CTNNA3: variants seen among roughly 807,000 people sequenced by gnomAD.
CTNNA3 encodes the protein catenin alpha 3.
Under a neutral mutation model 95.7 loss-of-function variants are expected in CTNNA3, and 76 were observed. The observed-to-expected ratio is 0.79, with a 90% confidence interval of 0.66 to 0.96. CTNNA3 has a LOEUF of 0.96. CTNNA3 is among the 40% of genes least tolerant of loss of function. The pLI, the probability that CTNNA3 is intolerant of heterozygous loss-of-function variation, is 0.00. For synonymous variants in CTNNA3, 431 were observed against 374.4 expected (o/e 1.15, Z -1.74); for missense variants, 1,191 against 1,089.8 (o/e 1.09, Z -1.31).
intron 9 of CTNNA3, among the ~76,000 whole-genome samples, chr10:66,693,659 T>A (rs1847646834): frequency 6.6e-6 from 1 of 151,956 alleles, no homozygotes; most frequent in Non-Finnish European, 1.5e-5. Flanking sequence ...AGAATATACA[T>A]TCTTTTCAGC....
At chr10:66,589,911 C>T (rs1201723322) in intron 10 of CTNNA3, among the ~76,000 whole-genome samples, 3 of 151,810 alleles carry the variant, frequency 2.0e-5, no homozygotes, top group Non-Finnish European at 2.9e-5. Context: ...CCATCATAAA[C>T]GCTGCCTTAA....
In CTNNA3 at chr10:65,920,383, T is replaced by G. The variant is rs1445606312; in HGVS notation, c.2635A>C (p.Lys879Gln). Residue 879 changes from lysine to glutamine, a missense_variant, in exon 18 of 18, where the codon AAA (lysine) becomes CAA (glutamine). Transcript: ENST00000433211. ...CTCATGACTTGCAATGGATGGATTT[T>G]TTTCTTTGCTGAGCCTCGTCTGACA... The part of the protein sequence containing the change: ...AAVRRGSAKK[K>Q]IHPLQVMSEF... The G allele has an allele frequency of 6.2e-7, 1 of 1,613,978 alleles. No homozygotes were observed. The highest frequency in any genetic ancestry group is 8.5e-7 in the Non-Finnish European group (1 of 1,180,022).
chr10:67,423,013 C>T (rs1589275607), intron 5 of CTNNA3, among the ~76,000 whole-genome samples: 1 of 152,068 alleles, frequency 6.6e-6, no homozygotes, highest in Non-Finnish European at 1.5e-5. Context: ...ATTTTATGCT[C>T]TTTGGTAAAT....
intron 1 of CTNNA3, among the ~76,000 whole-genome samples, chr10:67,693,767 T>C (rs1318202253): frequency 6.6e-6 from 1 of 152,188 alleles, no homozygotes; most frequent in East Asian, 1.9e-4. Context: ...TAATTAGTTG[T>C]ATTTATCACT....
At chr10:66,058,839 G>A (rs1439867866) in intron 15 of CTNNA3, among the ~76,000 whole-genome samples, 1 of 152,110 alleles carries the variant, frequency 6.6e-6, no homozygotes, top group Non-Finnish European at 1.5e-5. Flanking sequence ...TAAGTAACAG[G>A]ATGAGGTCAG....
rs141014926 is a variant in CTNNA3 at position 66,596,337 on chromosome 10, C to A, written c.1374+25355G>T. ...GCCCCTCAACTAAAATGGTTAGAGC[C>A]CTGCTGTCTACTACATATGGTACCC... On this transcript the variant is annotated intron_variant, in intron 10 of 17. Transcript: ENST00000433211. 5.8e-3 allele frequency among the ~76,000 whole-genome samples: 888 copies of A among 152,140 alleles called. 9 individuals are homozygous for A. The highest frequency in any genetic ancestry group is 0.021 in the African/African-American group (856 of 41,498).
At chr10:67,458,626 C>T (rs1448219513) in intron 5 of CTNNA3, among the ~76,000 whole-genome samples, 2 of 152,054 alleles carry the variant, frequency 1.3e-5, no homozygotes, top group African/African-American at 4.8e-5. Flanking sequence ...TGCCTGTAAT[C>T]CCAGCGCTTT....
chr10:67,482,856 G>A (rs886696161), intron 5 of CTNNA3, among the ~76,000 whole-genome samples: 2 of 152,228 alleles, frequency 1.3e-5, no homozygotes, highest in South Asian at 2.1e-4. Context: ...TCCAGTTTTT[G>A]CCCATTCAGT....
At chr10:67,202,270 G>T (rs1158480669) in intron 6 of CTNNA3, among the ~76,000 whole-genome samples, 1 of 151,064 alleles carries the variant, frequency 6.6e-6, no homozygotes, top group African/African-American at 2.4e-5. Context: ...ATAGATCCAT[G>T]GCTAGATTTG....
intron 9 of CTNNA3, among the ~76,000 whole-genome samples, chr10:66,645,607 A>G (rs867780816): frequency 6.6e-6 from 1 of 152,170 alleles, no homozygotes; most frequent in Admixed American, 6.5e-5. Flanking sequence ...TCTGTGGCCT[A>G]TCAGCAACCA....
At chr10:66,386,840 T>G (rs1263097562) in intron 11 of CTNNA3, among the ~76,000 whole-genome samples, 1 of 152,088 alleles carries the variant, frequency 6.6e-6, no homozygotes, top group Non-Finnish European at 1.5e-5. Context: ...AAACAAGAAA[T>G]GAGGAAAGGA....
At chr10:67,748,293 A>G (rs977951249) in intron 1 of CTNNA3, among the ~76,000 whole-genome samples, 2 of 152,136 alleles carry the variant, frequency 1.3e-5, no homozygotes, top group South Asian at 4.1e-4. Context: ...ACCCCAAGAA[A>G]CATAACCATC....
chr10:66,910,205 C>T (rs1043681022), intron 7 of CTNNA3, among the ~76,000 whole-genome samples: 12 of 152,024 alleles, frequency 7.9e-5, no homozygotes, highest in African/African-American at 1.7e-4. Flanking sequence ...ATGGCTTGTT[C>T]GGGGAATAAT....
intron 17 of CTNNA3, among the ~76,000 whole-genome samples, chr10:65,947,488 C>T (rs1398390779): frequency 6.6e-6 from 1 of 152,124 alleles, no homozygotes; most frequent in Non-Finnish European, 1.5e-5. Flanking sequence ...GGACACTAGG[C>T]TAAGCAACTT....
chr10:66,635,346 C>T (rs548397427), intron 9 of CTNNA3, among the ~76,000 whole-genome samples: 14 of 151,996 alleles, frequency 9.2e-5, no homozygotes, highest in Non-Finnish European at 1.8e-4. Flanking sequence ...ATGAAGCATG[C>T]AGGTCTAATA....
At chr10:67,313,719 C>A (rs1384126142) in intron 5 of CTNNA3, among the ~76,000 whole-genome samples, 3 of 151,954 alleles carry the variant, frequency 2.0e-5, no homozygotes, top group Non-Finnish European at 2.9e-5. Context: ...AAGATAGTAG[C>A]AACAAATATG....
chr10:67,015,223 C>A (rs1301993063), intron 7 of CTNNA3: 1 of 151,954 alleles, frequency 6.6e-6, no homozygotes, highest in Admixed American at 6.6e-5. Flanking sequence ...TAGTTTATAC[C>A]ATTTATATGC....
intron 15 of CTNNA3, among the ~76,000 whole-genome samples, chr10:66,014,947 A>C (rs1048756853): frequency 2.0e-5 from 3 of 152,002 alleles, no homozygotes. Context: ...TACTAAAAAT[A>C]CAAAAATTAG....
At chr10:67,499,876 A>G (rs921112336) in intron 5 of CTNNA3, among the ~76,000 whole-genome samples, 1 of 152,110 alleles carries the variant, frequency 6.6e-6, no homozygotes, top group South Asian at 2.1e-4. Flanking sequence ...TCTTTTCAAA[A>G]AACCAACTCC....
Sources: allele counts gnomAD v4.1 joint callset (sites outside exome capture counted in the v4.1 genomes callset), GRCh38; gene constraint gnomAD v4.1.1; transcripts MANE v1.5; gene names NCBI Gene and HGNC (gene_info 2026-07-23, HGNC 2026-07-21).